The following ARHGAP15 variants were observed in gnomAD, a reference collection of about 807,000 sequenced individuals.
ARHGAP15 encodes Rho GTPase activating protein 15.
Under a neutral mutation model 63.7 loss-of-function variants are expected in ARHGAP15, and 51 were observed. That is an observed-to-expected ratio of 0.80 (90% confidence interval 0.64 to 1.01). The LOEUF (loss-of-function observed/expected upper bound fraction) is 1.01. ARHGAP15 is among the 50% of genes least tolerant of loss of function. The pLI, the probability that ARHGAP15 is intolerant of heterozygous loss-of-function variation, is 0.00. For synonymous variants in ARHGAP15, 191 were observed against 193.8 expected, an observed-to-expected ratio of 0.99 and a Z score of 0.12; for missense variants, 560 against 564.6, an observed-to-expected ratio of 0.99 and a Z score of 0.08.
In ARHGAP15 at chr2:143,145,839, GGTGTGTGTGTGTGTGT is replaced by G. The variant is rs4008348; in HGVS notation, c.-14-9613_-14-9598del. On this transcript the variant is annotated intron_variant, in intron 1 of 13. Transcript: ENST00000295095. ...TCCTTCCAATTTATATATGTATAGG[GGTGTGTGTGTGTGTGT>G]GTGTGTGTGTGTGTGTGTGTGTGTA... Among the ~76,000 whole-genome samples the G allele has an allele frequency of 7.0e-5, 10 of 142,826 alleles. No individual in the cohort carries two copies. In the South Asian group the frequency reaches 8.9e-4, roughly 13 times the overall value. The allele number at this position is 142,826 out of a possible 152,430, so 93.7% of individuals were successfully genotyped here.
At chr2:143,419,514 T>C (rs1461042576) in intron 6 of ARHGAP15, among the ~76,000 whole-genome samples, 1 of 151,882 alleles carries the variant, frequency 6.6e-6, no homozygotes, top group Non-Finnish European at 1.5e-5. Context: ...AGTAAATCTC[T>C]ATAACAAAAT....
At chr2:143,397,316 A>ATGTG (rs71411383) in intron 6 of ARHGAP15, among the ~76,000 whole-genome samples, 7,314 of 147,510 alleles carry the variant, frequency 0.05, 215 homozygotes, top group East Asian at 0.12. Flanking sequence ...TGAGATATGT[A>ATGTG]TGTGTGTGTG....
chr2:143,425,881 T>A (rs1689120151), intron 6 of ARHGAP15, among the ~76,000 whole-genome samples: 2 of 152,182 alleles, frequency 1.3e-5, no homozygotes, highest in Non-Finnish European at 2.9e-5. Flanking sequence ...GTATTACACT[T>A]ACTTCTTGAA....
chr2:143,494,637 T>C (rs2104916863), intron 9 of ARHGAP15, among the ~76,000 whole-genome samples: 1 of 152,342 alleles, frequency 6.6e-6, no homozygotes, highest in Middle Eastern at 3.4e-3. Flanking sequence ...TGATTCATTC[T>C]ATTTCTATCA....
rs753991992 is a variant in ARHGAP15, at chr2:143,143,563, C to CTTTT, written c.-14-11911_-14-11910insTTTT. Among the ~76,000 whole-genome samples, 29 of 114,348 alleles carry CTTTT rather than the reference C, an allele frequency of 2.5e-4. 1 individual carries two copies. The highest frequency in any genetic ancestry group is 1.5e-3 in the Admixed American group (18 of 11,628). The allele number at this position is 114,348 out of a possible 152,430, so 75.0% of individuals were successfully genotyped here. ...GGTCTTTATCAAGGAGAGCTATTTT[C>CTTTT]TTTCTTTTTTTTTTTTTTGTCCCTC... On this transcript the variant is annotated intron_variant, in intron 1 of 13. Transcript: ENST00000295095.
At chr2:143,422,363 T>C (rs7605635) in intron 6 of ARHGAP15, among the ~76,000 whole-genome samples, 126,245 of 152,106 alleles carry the variant, frequency 0.83, 53,081 homozygotes, top group Middle Eastern at 0.92. Flanking sequence ...GGGATTATTG[T>C]TTGAGATCAT....
intron 12 of ARHGAP15, among the ~76,000 whole-genome samples, chr2:143,669,110 G>C (rs1332571716): frequency 2.0e-5 from 3 of 152,182 alleles, no homozygotes; most frequent in Non-Finnish European, 1.5e-5. Context: ...TGGACCAGGT[G>C]CTAATCTAAG....
At chr2:143,728,855 T>TA (rs1685405522) in intron 13 of ARHGAP15, among the ~76,000 whole-genome samples, 1 of 152,220 alleles carries the variant, frequency 6.6e-6, no homozygotes, top group South Asian at 2.1e-4. Context: ...ACATTGCACT[T>TA]ACACCACACC....
In ARHGAP15 at chr2:143,258,809, A is replaced by G. The variant is rs186094986; in HGVS notation, c.474+8209A>G. ...ATGCATTTCTTTTTAGTAGAGAGCTATTAGATTCTTGACCTCAGCCTCATC... is the reference window on the plus strand; with the variant it reads ...ATGCATTTCTTTTTAGTAGAGAGCTGTTAGATTCTTGACCTCAGCCTCATC... On this transcript the variant is annotated intron_variant, in intron 6 of 13. Transcript: ENST00000295095. Among the ~76,000 whole-genome samples, 126 of 152,256 alleles carry G rather than the reference A, an allele frequency of 8.3e-4. 1 individual carries two copies. Among genetic ancestry groups the G allele is most frequent in the African/African-American group, 3.0e-3 (123 of 41,572 alleles).
chr2:143,539,467 A>G (rs1694942098), intron 10 of ARHGAP15, among the ~76,000 whole-genome samples: 1 of 151,772 alleles, frequency 6.6e-6, no homozygotes, highest in South Asian at 2.1e-4. Context: ...TTTAATTGTG[A>G]TGTTAGGGTG....
chr2:143,582,457 G>A (rs1696948339), intron 11 of ARHGAP15, among the ~76,000 whole-genome samples: 1 of 152,076 alleles, frequency 6.6e-6, no homozygotes, highest in Admixed American at 6.6e-5. Flanking sequence ...TCACTCTGTG[G>A]GGCAATGAGG....
chr2:143,718,549 C>CATT (rs1270949165), intron 13 of ARHGAP15, among the ~76,000 whole-genome samples: 7 of 152,202 alleles, frequency 4.6e-5, no homozygotes, highest in African/African-American at 1.7e-4. Flanking sequence ...TTTTACACTA[C>CATT]ATTATTGCCC....
intron 9 of ARHGAP15, among the ~76,000 whole-genome samples, chr2:143,515,820 C>G (rs758070735): frequency 2.0e-5 from 3 of 152,198 alleles, no homozygotes; most frequent in Non-Finnish European, 2.9e-5. Context: ...TTTAACTTAC[C>G]TGGCAAGATT....
chr2:143,690,385 G>T (rs1487092580), intron 12 of ARHGAP15, among the ~76,000 whole-genome samples: 2 of 152,170 alleles, frequency 1.3e-5, no homozygotes, highest in African/African-American at 4.8e-5. Flanking sequence ...TCAGCTCTTT[G>T]CAGAGGGCAT....
intron 5 of ARHGAP15, among the ~76,000 whole-genome samples, chr2:143,245,357 G>A (rs1694009669): frequency 1.3e-5 from 2 of 152,236 alleles, no homozygotes; most frequent in African/African-American, 2.4e-5. Flanking sequence ...AGGGCCAACA[G>A]AATCTAACAG....
intron 9 of ARHGAP15, among the ~76,000 whole-genome samples, chr2:143,494,020 T>C (rs1301999745): frequency 2.0e-5 from 3 of 152,230 alleles, no homozygotes; most frequent in African/African-American, 7.2e-5. Context: ...TTGGTCTTTA[T>C]TTTGAGATTC....
chr2:143,661,543 C>T (rs1173700813), intron 12 of ARHGAP15, among the ~76,000 whole-genome samples: 1 of 152,066 alleles, frequency 6.6e-6, no homozygotes, highest in Non-Finnish European at 1.5e-5. Flanking sequence ...TAAATGATGA[C>T]TCCTTGAAAA....
intron 13 of ARHGAP15, among the ~76,000 whole-genome samples, chr2:143,736,763 G>A (rs1449240698): frequency 1.3e-5 from 2 of 152,188 alleles, no homozygotes; most frequent in Admixed American, 1.3e-4. Context: ...AAGCCCTCAG[G>A]AAATGATAGC....
At chr2:143,720,644 A>T (rs1001745387) in intron 13 of ARHGAP15, among the ~76,000 whole-genome samples, 4 of 152,054 alleles carry the variant, frequency 2.6e-5, no homozygotes, top group Admixed American at 2.0e-4. Context: ...GACAATAGGA[A>T]CTGTGAAGTC....
Sources: gnomAD v4.1 joint callset for allele counts (sites outside exome capture counted in the v4.1 genomes callset) on GRCh38, gnomAD v4.1.1 for gene constraint, MANE v1.5 for transcripts, NCBI Gene and HGNC (gene_info 2026-07-23, HGNC 2026-07-21) for gene names.